HDAC9: variants seen among roughly 807,000 people sequenced by gnomAD.
The protein encoded by HDAC9 is MEF-2 interacting transcription repressor (MITR) protein.
In HDAC9, 41 loss-of-function variants were observed where a neutral mutation model predicts 139.4. The ratio of observed to expected loss-of-function variants is 0.29; its 90% CI spans 0.23 to 0.38. The LOEUF (loss-of-function observed/expected upper bound fraction) is 0.38. Among genes scored for constraint, HDAC9 ranks in the 10% least tolerant of loss-of-function variants. HDAC9 has a pLI of 1.00. For missense variants in HDAC9, 1,147 were observed against 1,297.0 expected, an observed-to-expected ratio of 0.88 and a Z score of 1.78; for synonymous variants, 517 against 476.2, an observed-to-expected ratio of 1.09 and a Z score of -1.12.
At chr7:18,940,481 A>G (rs2129314177) in intron 23 of HDAC9, among the ~76,000 whole-genome samples, 1 of 152,290 alleles carries the variant, frequency 6.6e-6, no homozygotes, top group East Asian at 1.9e-4. Flanking sequence ...CAGTCCAATC[A>G]GTGCATGATG....
chr7:18,162,451 T>A (rs1584400383), intron 2 of HDAC9: 1 of 1,137,204 alleles, frequency 8.8e-7, no homozygotes, highest in Non-Finnish European at 1.2e-6. Flanking sequence ...GAACTTTTTT[T>A]TTTTTGGACA....
At chr7:18,556,103 A>G (rs1354717007) in intron 2 of HDAC9, among the ~76,000 whole-genome samples, 1 of 152,010 alleles carries the variant, frequency 6.6e-6, no homozygotes, top group Non-Finnish European at 1.5e-5. Context: ...CATGCTTCAA[A>G]AGTTTCAGGT....
At position 18,647,697 on chromosome 7, in the gene HDAC9, C is replaced by T. The variant is rs973496059; in HGVS notation, c.1036-88C>T. 40 of 1,136,198 alleles carry T rather than the reference C, an allele frequency of 3.5e-5. No individual in the cohort carries two copies. In the South Asian group the frequency reaches 6.0e-4, roughly 17 times the overall value. 70.4% of individuals were successfully genotyped at this position (1,136,198 alleles called of 1,614,324 possible). A position where few individuals can be genotyped will look rare whatever the true frequency, so the allele number is the denominator to read the frequency against. The stretch of plus-strand genomic sequence containing the variant: ...ATGGGGCTTTTGTTTTGGGAAGCTA[C>T]AGCATAGGAAACTTGTCTAATGATT... On this transcript the variant is annotated intron_variant, in intron 9 of 25. Transcript: ENST00000686413.
intron 25 of HDAC9, among the ~76,000 whole-genome samples, chr7:18,990,711 G>C (rs1009201358): frequency 6.6e-6 from 1 of 152,362 alleles, no homozygotes; most frequent in Admixed American, 6.5e-5. Context: ...TTCTGTGGGC[G>C]TAGGACCCTC....
intron 1 of HDAC9, among the ~76,000 whole-genome samples, chr7:18,374,169 C>T (rs1784802812): frequency 6.7e-6 from 1 of 148,358 alleles, no homozygotes; most frequent in African/African-American, 2.5e-5. Context: ...ATATGTAGTA[C>T]ATGCATAAAT....
At chr7:18,550,961 A>C (rs1816925781) in intron 2 of HDAC9, among the ~76,000 whole-genome samples, 1 of 152,342 alleles carries the variant, frequency 6.6e-6, no homozygotes, top group Non-Finnish European at 1.5e-5. Context: ...TGAGAAAGAC[A>C]TTGGCTTATT....
intron 13 of HDAC9, among the ~76,000 whole-genome samples, chr7:18,731,826 A>T (rs887782694): frequency 6.6e-6 from 1 of 152,082 alleles, no homozygotes; most frequent in African/African-American, 2.4e-5. Flanking sequence ...GGGTTTCTCC[A>T]TGTTGGTCAG....
intron 1 of HDAC9, among the ~76,000 whole-genome samples, chr7:18,459,410 G>C (rs1447264389): frequency 6.6e-6 from 1 of 152,068 alleles, no homozygotes; most frequent in Non-Finnish European, 1.5e-5. Context: ...CTACAAAAAT[G>C]GTGAGTAAAT....
chr7:18,768,368 C>T (rs1251074164), intron 16 of HDAC9, among the ~76,000 whole-genome samples: 2 of 152,152 alleles, frequency 1.3e-5, no homozygotes, highest in South Asian at 2.1e-4. Flanking sequence ...AGCTTCCCCC[C>T]ACTCCCTCTG....
At chr7:18,148,343 C>T (rs1422781071) in intron 1 of HDAC9, among the ~76,000 whole-genome samples, 1 of 152,182 alleles carries the variant, frequency 6.6e-6, no homozygotes, top group Non-Finnish European at 1.5e-5. Flanking sequence ...GGATCATGGT[C>T]TCTCTCCTGC....
At chr7:18,383,138 C>G (rs904780631) in intron 1 of HDAC9, among the ~76,000 whole-genome samples, 5 of 152,024 alleles carry the variant, frequency 3.3e-5, no homozygotes, top group African/African-American at 1.2e-4. Context: ...AAAGAACCAC[C>G]ATACATAATT....
chr7:18,558,657 C>G (rs1205439895), intron 2 of HDAC9, among the ~76,000 whole-genome samples: 2 of 152,134 alleles, frequency 1.3e-5, no homozygotes, highest in Non-Finnish European at 2.9e-5. Flanking sequence ...TCTCTTCTAC[C>G]CATTCAAACT....
chr7:18,482,664 G>A (rs937579802), intron 1 of HDAC9, among the ~76,000 whole-genome samples: 1 of 151,954 alleles, frequency 6.6e-6, no homozygotes, highest in Non-Finnish European at 1.5e-5. Flanking sequence ...TCTTAGAGAA[G>A]CATCACACAT....
At chr7:18,190,615 A>C (rs946568035) in intron 2 of HDAC9, among the ~76,000 whole-genome samples, 1 of 152,222 alleles carries the variant, frequency 6.6e-6, no homozygotes, top group Non-Finnish European at 1.5e-5. Flanking sequence ...TGACCAGAAA[A>C]TAAGTTGGAG....
At chr7:18,669,450 C>CT (rs1453044113) in intron 12 of HDAC9, among the ~76,000 whole-genome samples, 1 of 151,782 alleles carries the variant, frequency 6.6e-6, no homozygotes, top group Non-Finnish European at 1.5e-5. Context: ...GTAAAGGCAA[C>CT]TCTGCCGTAT....
chr7:18,828,106 C>G (rs1010037658), intron 17 of HDAC9, among the ~76,000 whole-genome samples: 3 of 151,768 alleles, frequency 2.0e-5, no homozygotes, highest in Non-Finnish European at 4.4e-5. Flanking sequence ...TGTTAATGAC[C>G]ATAACATTCT....
intron 21 of HDAC9, among the ~76,000 whole-genome samples, chr7:18,836,556 G>C (rs974628500): frequency 2.0e-5 from 3 of 151,852 alleles, no homozygotes; most frequent in African/African-American, 7.3e-5. Context: ...ATTTTCTCTG[G>C]AACAAAATCT....
intron 13 of HDAC9, among the ~76,000 whole-genome samples, chr7:18,744,031 T>TTTTTTTTTTTTTTTTG (rs1787709487): frequency 6.7e-6 from 1 of 150,260 alleles, no homozygotes; most frequent in African/African-American, 2.4e-5. Context: ...TTTTTTTTTT[T>TTTTTTTTTTTTTTTTG]TTGAGATGGA....
At chr7:18,407,783 G>A (rs369415355) in intron 1 of HDAC9, among the ~76,000 whole-genome samples, 5 of 152,156 alleles carry the variant, frequency 3.3e-5, no homozygotes, top group African/African-American at 9.7e-5. Context: ...GGAAAAGGAT[G>A]CTGCTATTCC....
Sources: gnomAD v4.1 joint callset for allele counts (sites outside exome capture counted in the v4.1 genomes callset) on GRCh38, gnomAD v4.1.1 for gene constraint, MANE v1.5 for transcripts, NCBI Gene and HGNC (gene_info 2026-07-23, HGNC 2026-07-21) for gene names.